ACOXL: variants seen among roughly 807,000 people sequenced by gnomAD.
The protein encoded by ACOXL is acyl-CoA oxidase like, also known as acyl-coenzyme A oxidase-like protein.
Under a neutral mutation model 71.9 loss-of-function variants are expected in ACOXL, and 70 were observed. The observed-to-expected ratio is 0.97, with a 90% confidence interval of 0.80 to 1.19. ACOXL has a LOEUF of 1.19. Among genes scored for constraint, ACOXL ranks in the 50% most tolerant of loss-of-function variants. The pLI, the probability that ACOXL is intolerant of heterozygous loss-of-function variation, is 0.00. For missense variants in ACOXL, 703 were observed against 736.3 expected (o/e 0.95, Z 0.52); for synonymous variants, 253 against 281.6 (o/e 0.90, Z 1.02).
intron 2 of ACOXL, among the ~76,000 whole-genome samples, chr2:110,780,970 CA>C (rs1573482203): frequency 6.6e-6 from 1 of 152,078 alleles, no homozygotes; most frequent in East Asian, 1.9e-4. Flanking sequence ...TTTGAGGCTA[CA>C]GTGAGCTACG....
chr2:111,100,108 T>A (rs912554546), intron 17 of ACOXL: 2 of 152,262 alleles, frequency 1.3e-5, no homozygotes, highest in Non-Finnish European at 2.9e-5. Context: ...CAAGTACTTG[T>A]GAACATGTGG....
intron 10 of ACOXL, among the ~76,000 whole-genome samples, chr2:110,879,166 A>G (rs1437957927): frequency 1.3e-5 from 2 of 152,228 alleles, no homozygotes; most frequent in African/African-American, 4.8e-5. Context: ...CAGAATTGAT[A>G]AAGGACACAA....
At chr2:111,017,115 C>T (rs555091284) in intron 14 of ACOXL, among the ~76,000 whole-genome samples, 2 of 152,318 alleles carry the variant, frequency 1.3e-5, no homozygotes, top group South Asian at 2.1e-4. Flanking sequence ...GTGACAACAC[C>T]GCACTACAGT....
At chr2:110,917,897 A>G (rs1245310657) in intron 11 of ACOXL, among the ~76,000 whole-genome samples, 3 of 152,228 alleles carry the variant, frequency 2.0e-5, no homozygotes, top group African/African-American at 4.8e-5. Context: ...GCTCAAGGAA[A>G]TAAGAGAGGA....
intron 10 of ACOXL, chr2:110,887,139 C>G (rs1325652937): frequency 8.2e-6 from 3 of 365,928 alleles, no homozygotes; most frequent in African/African-American, 6.1e-5. Context: ...AAAGTGAAAT[C>G]ATTGACTCCG....
intron 10 of ACOXL, among the ~76,000 whole-genome samples, chr2:110,875,784 G>A (rs959799774): frequency 1.3e-5 from 2 of 152,118 alleles, no homozygotes; most frequent in African/African-American, 4.8e-5. Flanking sequence ...TGTCAAATGA[G>A]GATTGTAAAT....
chr2:110,935,522 C>G (rs534187545), intron 12 of ACOXL, among the ~76,000 whole-genome samples: 178 of 152,288 alleles, frequency 1.2e-3, no homozygotes, highest in Non-Finnish European at 1.9e-3. Flanking sequence ...TCATGTTCAC[C>G]TGTGCTGCCG....
At chr2:110,883,534 T>C (rs1430971741) in intron 10 of ACOXL, among the ~76,000 whole-genome samples, 1 of 152,222 alleles carries the variant, frequency 6.6e-6, no homozygotes, top group Admixed American at 6.5e-5. Context: ...TTTAGTTAAG[T>C]GTCCTAACTT....
chr2:110,746,685 A>G (rs1678259832), intron 1 of ACOXL, among the ~76,000 whole-genome samples: 1 of 152,172 alleles, frequency 6.6e-6, no homozygotes, highest in African/African-American at 2.4e-5. Flanking sequence ...TAATGTATAC[A>G]GTGGTCTCTT....
At chr2:110,914,588 C>G (rs2059770035) in intron 11 of ACOXL, among the ~76,000 whole-genome samples, 1 of 152,120 alleles carries the variant, frequency 6.6e-6, no homozygotes, top group Non-Finnish European at 1.5e-5. Flanking sequence ...GAATTTTCTA[C>G]CTGCACAATA....
At chr2:110,837,197 G>A (rs1487426000) in intron 9 of ACOXL, among the ~76,000 whole-genome samples, 2 of 152,128 alleles carry the variant, frequency 1.3e-5, no homozygotes, top group Non-Finnish European at 2.9e-5. Flanking sequence ...CTGGGAGACT[G>A]GAGCCGGTGC....
intron 11 of ACOXL, among the ~76,000 whole-genome samples, chr2:110,930,362 G>A (rs1318200066): frequency 1.3e-5 from 2 of 152,238 alleles, no homozygotes; most frequent in Non-Finnish European, 2.9e-5. Context: ...TGGAACAGCT[G>A]TATTTACCCA....
chr2:111,082,370 G>A (rs1434621258), intron 16 of ACOXL, among the ~76,000 whole-genome samples: 1 of 151,254 alleles, frequency 6.6e-6, no homozygotes, highest in African/African-American at 2.4e-5. Flanking sequence ...TGAAGGATAT[G>A]CATAGACACT....
intron 13 of ACOXL, among the ~76,000 whole-genome samples, chr2:110,991,592 T>G (rs1440534522): frequency 2.0e-5 from 3 of 152,222 alleles, no homozygotes; most frequent in Non-Finnish European, 4.4e-5. Flanking sequence ...CTCACAATCC[T>G]GATTAAACAC....
intron 12 of ACOXL, among the ~76,000 whole-genome samples, chr2:110,983,369 T>A (rs148361346): frequency 2.0e-5 from 3 of 152,372 alleles, no homozygotes; most frequent in African/African-American, 7.2e-5. Flanking sequence ...TGCAAATGCA[T>A]GTTGATGATG....
intron 10 of ACOXL, among the ~76,000 whole-genome samples, chr2:110,872,908 G>A (rs1695448233): frequency 6.6e-6 from 1 of 152,230 alleles, no homozygotes; most frequent in Non-Finnish European, 1.5e-5. Flanking sequence ...AAGGAGAGAA[G>A]AGAGTGACAC....
At chr2:110,859,080 C>T (rs750262263) in intron 10 of ACOXL, among the ~76,000 whole-genome samples, 2 of 152,310 alleles carry the variant, frequency 1.3e-5, no homozygotes, top group Admixed American at 6.5e-5. Context: ...GTTTAGGATA[C>T]GTTCAACCTG....
intron 1 of ACOXL, among the ~76,000 whole-genome samples, chr2:110,763,804 G>T (rs190564422): frequency 6.6e-6 from 1 of 152,248 alleles, no homozygotes; most frequent in African/African-American, 2.4e-5. Flanking sequence ...TCTAATATAA[G>T]ACTGTTATTC....
At chr2:110,891,710 T>G (rs987115677) in intron 10 of ACOXL, among the ~76,000 whole-genome samples, 1 of 152,174 alleles carries the variant, frequency 6.6e-6, no homozygotes, top group Admixed American at 6.6e-5. Context: ...AAATGGAAAG[T>G]GCTTTGGTAT....
Sources: gnomAD v4.1 joint callset for allele counts (sites outside exome capture counted in the v4.1 genomes callset) on GRCh38, gnomAD v4.1.1 for gene constraint, MANE v1.5 for transcripts, NCBI Gene and HGNC (gene_info 2026-07-23, HGNC 2026-07-21) for gene names.